DTNA: variants seen among roughly 807,000 people sequenced by gnomAD.
The protein encoded by DTNA is dystrophin-related protein 3.
Under a neutral mutation model 100.7 loss-of-function variants are expected in DTNA, and 43 were observed. The observed-to-expected ratio is 0.43, with a 90% CI of 0.33 to 0.55. The LOEUF (loss-of-function observed/expected upper bound fraction) is 0.55. Ranked by LOEUF, DTNA falls within the 20% of genes least tolerant of loss-of-function variation. The probability of loss-of-function intolerance (pLI) is 0.04; values close to 1 mark genes in which losing one functional copy is unlikely to be tolerated. For missense variants in DTNA, 798 were observed against 953.9 expected, an observed-to-expected ratio of 0.84 and a Z score of 2.15; for synonymous variants, 349 against 347.9, an observed-to-expected ratio of 1.00 and a Z score of -0.04.
At chr18:34,562,619 A>G (rs2046739282) in intron 1 of DTNA, among the ~76,000 whole-genome samples, 1 of 151,938 alleles carries the variant, frequency 6.6e-6, no homozygotes, top group African/African-American at 2.4e-5. Flanking sequence ...AGTAATAGGG[A>G]CTCTTACCTG....
intron 17 of DTNA, among the ~76,000 whole-genome samples, chr18:34,864,302 G>C (rs975360271): frequency 2.0e-5 from 3 of 148,300 alleles, no homozygotes; most frequent in Admixed American, 6.8e-5. Context: ...CCAGGCTGGA[G>C]TGCAGTGGCG....
At position 34,761,126 on chromosome 18, in the gene DTNA, T is replaced by TCACACACA. The variant is rs6146260; in HGVS notation, c.68-4798_68-4791dup. Reference sequence around the variant, plus strand: ...GTATCTCTCTCTCTCCCTCCATCCTTCACACACACACACACACACACACAC... The same window carrying TCACACACA: ...GTATCTCTCTCTCTCCCTCCATCCTTCACACACACACACACACACACACACACACACAC... On this transcript the variant is annotated intron_variant, in intron 2 of 22. Coordinates refer to ENST00000444659, the MANE Select transcript of DTNA (RefSeq NM_001386795.1). Among the ~76,000 whole-genome samples the TCACACACA allele has an allele frequency of 6.3e-4, 94 of 149,306 alleles. 1 individual carries two copies. Among genetic ancestry groups the TCACACACA allele is most frequent in the African/African-American group, 2.3e-3 (93 of 40,030 alleles).
Position 34,827,670 on chromosome 18 carries a change from C to T in DTNA, c.1079C>T (p.Thr360Ile), listed in dbSNP as rs2095890963. The T allele has an allele frequency of 6.2e-7, 1 of 1,613,578 alleles. No individual in the cohort carries two copies. The highest frequency in any genetic ancestry group is 1.3e-5 in the African/African-American group (1 of 74,882). Residue 360 changes from threonine to isoleucine, a missense_variant, in exon 10 of 23, where the codon ACC (threonine) becomes ATC (isoleucine). Coordinates refer to ENST00000444659, the MANE Select transcript of DTNA (RefSeq NM_001386795.1). ...CCCTCCTCAGGAAGTCCTTTTATTACCAGGAGGTAAGTTCCAACCCTATTA... is the reference window on the plus strand; with the variant it reads ...CCCTCCTCAGGAAGTCCTTTTATTATCAGGAGGTAAGTTCCAACCCTATTA... ...SVPSSGSPFI[T>I]RRLPEGISAS...
chr18:34,722,991 C>T (rs902650310), intron 1 of DTNA, among the ~76,000 whole-genome samples: 34 of 152,206 alleles, frequency 2.2e-4, no homozygotes, highest in African/African-American at 6.3e-4. Context: ...CTACTATGAA[C>T]ATTCATGTGA....
chr18:34,575,724 G>T (rs2048050655), intron 1 of DTNA, among the ~76,000 whole-genome samples: 1 of 152,082 alleles, frequency 6.6e-6, no homozygotes. Context: ...CTTGGGATTG[G>T]ATGGATTCTG....
At chr18:34,514,686 TG>T (rs1424428792) in intron 1 of DTNA, among the ~76,000 whole-genome samples, 1 of 152,114 alleles carries the variant, frequency 6.6e-6, no homozygotes, top group African/African-American at 2.4e-5. Context: ...AAGGCAGTTT[TG>T]GTGCCTGTTG....
intron 4 of DTNA, among the ~76,000 whole-genome samples, chr18:34,800,714 G>C (rs2149156415): frequency 6.6e-6 from 1 of 152,274 alleles, no homozygotes; most frequent in Admixed American, 6.5e-5. Flanking sequence ...GAATCAGTCA[G>C]AATTGAATCT....
At chr18:34,789,420 T>A (rs1419749710) in intron 3 of DTNA, among the ~76,000 whole-genome samples, 1 of 152,236 alleles carries the variant, frequency 6.6e-6, no homozygotes, top group Non-Finnish European at 1.5e-5. Flanking sequence ...AAATCCTTAT[T>A]GTAGTTATGG....
intron 11 of DTNA, among the ~76,000 whole-genome samples, chr18:34,833,105 T>C (rs2096056898): frequency 6.6e-6 from 1 of 152,210 alleles, no homozygotes; most frequent in Admixed American, 6.5e-5. Flanking sequence ...CTATAATATT[T>C]GTTCTCTGTG....
rs766081583 is a variant in DTNA, at chr18:34,882,216, G to GCCCAC, written c.2295+27_2295+31dup. On this transcript the variant is annotated intron_variant, in intron 21 of 22. Transcript: ENST00000444659. ...AAGCTTATCAGGTACAGGGATCCAG[G>GCCCAC]CCCACCCCACCCCACCTCTTCTGCC... 3 of 1,613,312 alleles carry GCCCAC rather than the reference G, an allele frequency of 1.9e-6. No individual in the cohort carries two copies. The highest frequency in any genetic ancestry group is 2.5e-6 in the Non-Finnish European group (3 of 1,179,652).
intron 1 of DTNA, among the ~76,000 whole-genome samples, chr18:34,584,159 G>A (rs2048901516): frequency 6.6e-6 from 1 of 152,110 alleles, no homozygotes; most frequent in South Asian, 2.1e-4. Flanking sequence ...AAGAAATCTT[G>A]CTAATCTTGA....
chr18:34,757,325 C>G (rs1202025947), intron 2 of DTNA: 1 of 152,032 alleles, frequency 6.6e-6, no homozygotes, highest in Non-Finnish European at 1.5e-5. Context: ...TCCAAAGCAG[C>G]ACAGGTATCC....
intron 1 of DTNA, among the ~76,000 whole-genome samples, chr18:34,511,202 A>G (rs939264242): frequency 6.6e-6 from 1 of 152,122 alleles, no homozygotes; most frequent in African/African-American, 2.4e-5. Flanking sequence ...AAGAAAAATT[A>G]TTATAAGTTT....
In DTNA at chr18:34,890,625, G is replaced by A; in HGVS notation, c.*2891G>A. On this transcript the variant is annotated 3_prime_UTR_variant, in exon 23 of 23. Transcript: ENST00000444659. ...AGCGCCATATTAATGGAGGAGGGGA[G>A]GAAGGTGAAATCTACTGCATGGGAT... 2 of 956,424 alleles carry A rather than the reference G, an allele frequency of 2.1e-6. No individual in the cohort carries two copies. Among genetic ancestry groups the A allele is most frequent in the South Asian group, 1.9e-5 (1 of 54,030 alleles). The allele number at this position is 956,424 out of a possible 1,614,324, so 59.2% of individuals were successfully genotyped here.
chr18:34,514,755 A>C lies in DTNA; in HGVS notation c.-2+21241A>C, dbSNP rs1463273541. On this transcript the variant is annotated intron_variant, in intron 1 of 19. Transcript: ENST00000283365. ...CTTGCTGTGTCCTCACATGGTGGAA[A>C]GGGCAAGGAGTCTCTCTTGGGACTT... is the stretch of plus-strand genomic sequence containing the variant. 7.9e-5 allele frequency among the ~76,000 whole-genome samples: 12 copies of C among 152,176 alleles called. No individual in the cohort carries two copies. The South Asian group carries it at 1.5e-3, about 18-fold the overall frequency.
At chr18:34,865,346 G>A (rs2096685979) in intron 17 of DTNA, among the ~76,000 whole-genome samples, 1 of 134,540 alleles carries the variant, frequency 7.4e-6, no homozygotes. Context: ...TTTCTTTCTT[G>A]ATTGCCCCCT....
At chr18:34,522,521 C>T (rs1312151435) in intron 1 of DTNA, among the ~76,000 whole-genome samples, 1 of 152,188 alleles carries the variant, frequency 6.6e-6, no homozygotes, top group African/African-American at 2.4e-5. Context: ...CATTTTCCTC[C>T]TCCTTTTGTC....
At chr18:34,838,705 C>G in intron 12 of DTNA, 40 bp from the exon 13 acceptor site, 1 of 1,565,132 alleles carries the variant, frequency 6.4e-7, no homozygotes, top group South Asian at 1.1e-5. Context: ...CTGTCCACCT[C>G]TCTTAACAAC....
chr18:34,881,962 A>G, intron 20 of DTNA, 107 bp from the exon 21 acceptor site: 2 of 1,484,102 alleles, frequency 1.3e-6, no homozygotes, highest in Non-Finnish European at 9.4e-7. Context: ...GACTTGGAGA[A>G]CTAAGGGGAA....
Sources: gnomAD v4.1 joint callset for allele counts (sites outside exome capture counted in the v4.1 genomes callset) on GRCh38, gnomAD v4.1.1 for gene constraint, MANE v1.5 for transcripts, NCBI Gene and HGNC (gene_info 2026-07-23, HGNC 2026-07-21) for gene names.